The following ZBBX variants were observed in gnomAD, a reference collection of about 807,000 sequenced individuals.
ZBBX encodes the protein zinc finger B-box domain containing.
A neutral mutation model predicts 108.5 loss-of-function variants in ZBBX; 101 were observed. The observed-to-expected ratio is 0.93, with a 90% confidence interval of 0.79 to 1.10. The LOEUF (loss-of-function observed/expected upper bound fraction) is 1.10. ZBBX is among the 50% of genes least tolerant of loss of function. The probability of loss-of-function intolerance (pLI) is 0.00; values close to 1 mark genes in which losing one functional copy is unlikely to be tolerated. For missense variants in ZBBX, 1,009 were observed against 941.4 expected (o/e 1.07, Z -0.94); for synonymous variants, 356 against 323.4 (o/e 1.10, Z -1.08).
At chr3:167,217,359 G>GA in the ZBBX span, among the ~76,000 whole-genome samples, 4 of 151,998 alleles carry the variant, frequency 2.6e-5, no homozygotes, top group South Asian at 2.1e-4. Flanking sequence ...ACAATCATAT[G>GA]AAAAAAAGTT....
In ZBBX at chr3:167,367,870, T is replaced by C. The variant is rs191291450; in HGVS notation, c.182+591A>G. On this transcript the variant is annotated intron_variant, in intron 5 of 21. Transcript: ENST00000675490. ...AATTAGTACAAATATATAAGCATAA[T>C]ATTAGAAAGTTCTCATTAATAAAAT... is the stretch of plus-strand genomic sequence containing the variant. Among the ~76,000 whole-genome samples the C allele has an allele frequency of 4.5e-4, 67 of 149,986 alleles. No individual in the cohort carries two copies. The East Asian group carries it at 0.013, about 29-fold the overall frequency.
chr3:167,385,399 T>G (rs768279367), intron 1 of ZBBX, among the ~76,000 whole-genome samples: 20 of 151,906 alleles, frequency 1.3e-4, no homozygotes, highest in Non-Finnish European at 2.7e-4. Context: ...GTAATTAGAG[T>G]TGGCAGAACT....
chr3:167,378,045 A>G (rs2108620370), intron 2 of ZBBX, among the ~76,000 whole-genome samples: 1 of 152,254 alleles, frequency 6.6e-6, no homozygotes, highest in Admixed American at 6.5e-5. Flanking sequence ...CCATGTGAAG[A>G]AGGATGTGTT....
At position 167,240,193 on chromosome 3, in the gene ZBBX, T is replaced by C. The variant is rs1576745896; in HGVS notation, c.*600A>G. ...ATTGTAGACCAGTCACATTTTCACA[T>C]AAAGCTAATCACTACATTGACCTTC... On this transcript the variant is annotated 3_prime_UTR_variant, in exon 22 of 22. Transcript: ENST00000675490. 6.6e-6 allele frequency: 1 copy of C among 152,228 alleles called. No individual in the cohort carries two copies. The highest frequency in any genetic ancestry group is 2.4e-5 in the African/African-American group (1 of 41,380). The allele number at this position is 152,228 out of a possible 1,614,324, so 9.4% of individuals were successfully genotyped here.
the ZBBX span, among the ~76,000 whole-genome samples, chr3:167,228,325 A>G: frequency 6.6e-6 from 1 of 151,752 alleles, no homozygotes; most frequent in South Asian, 2.1e-4. Flanking sequence ...TTTCCACCGC[A>G]AAGTGCTCTG....
At chr3:167,247,658 CTG>C (rs901276312) in intron 20 of ZBBX, among the ~76,000 whole-genome samples, 109 of 152,156 alleles carry the variant, frequency 7.2e-4, no homozygotes, top group African/African-American at 2.5e-3. Flanking sequence ...CCCCTAGACA[CTG>C]TCGTTAAGTG....
At chr3:167,341,817 A>G (rs935767805) in intron 9 of ZBBX, among the ~76,000 whole-genome samples, 1 of 151,990 alleles carries the variant, frequency 6.6e-6, no homozygotes, top group Admixed American at 6.6e-5. Flanking sequence ...AATGAAATGG[A>G]TAACATTTTT....
At chr3:167,385,342 C>A (rs1386111620) in intron 1 of ZBBX, among the ~76,000 whole-genome samples, 1 of 151,760 alleles carries the variant, frequency 6.6e-6, no homozygotes, top group African/African-American at 2.4e-5. Flanking sequence ...TGCCAAAATG[C>A]AGTATAAAAG....
chr3:167,196,459 C>T, the ZBBX span, among the ~76,000 whole-genome samples: 1 of 152,228 alleles, frequency 6.6e-6, no homozygotes, highest in Non-Finnish European at 1.5e-5. Context: ...TCCATCCCGG[C>T]TATATTTAAA....
intron 4 of ZBBX, 62 bp from the exon 5 acceptor site, chr3:167,368,636 A>G (rs1745705058): frequency 5.7e-6 from 8 of 1,411,776 alleles, no homozygotes; most frequent in Non-Finnish European, 7.5e-6. Context: ...ATAATTTTAT[A>G]TAATCTTTTC....
At chr3:167,310,588 G>T (rs1024508676) in intron 16 of ZBBX, among the ~76,000 whole-genome samples, 2 of 152,062 alleles carry the variant, frequency 1.3e-5, no homozygotes, top group African/African-American at 4.8e-5. Flanking sequence ...ACATGTTGGC[G>T]AGGGCTGGGG....
the ZBBX span, among the ~76,000 whole-genome samples, chr3:167,190,295 CAAT>C: frequency 6.6e-6 from 1 of 150,686 alleles, no homozygotes; most frequent in African/African-American, 2.4e-5. Context: ...ATTTCATCAT[CAAT>C]AAAATAATCT....
At chr3:167,258,036 T>C (rs1354913962) in intron 20 of ZBBX, among the ~76,000 whole-genome samples, 2 of 152,166 alleles carry the variant, frequency 1.3e-5, no homozygotes, top group South Asian at 2.1e-4. Context: ...TTGTTTTTAT[T>C]GCATTTGCTT....
intron 20 of ZBBX, among the ~76,000 whole-genome samples, chr3:167,264,672 T>C (rs1022233085): frequency 1.3e-5 from 2 of 152,272 alleles, no homozygotes; most frequent in Admixed American, 6.5e-5. Flanking sequence ...TACAGTGTTA[T>C]ACTATTCTGT....
At chr3:167,273,365 C>T (rs1235579482) in intron 20 of ZBBX, among the ~76,000 whole-genome samples, 2 of 152,172 alleles carry the variant, frequency 1.3e-5, no homozygotes, top group Non-Finnish European at 2.9e-5. Flanking sequence ...TCCCAGTCAA[C>T]TGGGCATGGG....
Position 167,322,274 on chromosome 3 carries a change from G to C in ZBBX, c.863-37C>G. 3 of 1,414,370 alleles carry C rather than the reference G, an allele frequency of 2.1e-6. No individual in the cohort carries two copies. The South Asian group carries it at 5.3e-5, about 25-fold the overall frequency. 87.6% of individuals were successfully genotyped at this position (1,414,370 alleles called of 1,614,324 possible). A position where few individuals can be genotyped will look rare whatever the true frequency, so the allele number is the denominator to read the frequency against. On this transcript the variant is annotated intron_variant, in intron 11 of 21. Transcript: ENST00000675490. ...AACACAATGTGCATAATTAAAATAAGCAAGTTTACAAATTACTATATCTTC... is the reference window on the plus strand; with the variant it reads ...AACACAATGTGCATAATTAAAATAACCAAGTTTACAAATTACTATATCTTC...
chr3:167,364,763 T>C (rs916234947), intron 6 of ZBBX, among the ~76,000 whole-genome samples: 7 of 151,958 alleles, frequency 4.6e-5, no homozygotes, highest in African/African-American at 1.4e-4. Context: ...AGCTTTATTC[T>C]TTACACCTCT....
the ZBBX span, among the ~76,000 whole-genome samples, chr3:167,191,150 G>A: frequency 6.6e-6 from 1 of 152,144 alleles, no homozygotes; most frequent in Non-Finnish European, 1.5e-5. Flanking sequence ...TAAGAATTGG[G>A]GAAATCCCAA....
the ZBBX span, among the ~76,000 whole-genome samples, chr3:167,221,946 A>G: frequency 6.6e-6 from 1 of 152,014 alleles, no homozygotes; most frequent in Non-Finnish European, 1.5e-5. Flanking sequence ...AGAAAAGGGA[A>G]CCTTCATATG....
Sources: allele counts gnomAD v4.1 joint callset (sites outside exome capture counted in the v4.1 genomes callset), GRCh38; gene constraint gnomAD v4.1.1; transcripts MANE v1.5; gene names NCBI Gene and HGNC (gene_info 2026-07-23, HGNC 2026-07-21).